GTF2A1L: variants seen among roughly 807,000 people sequenced by gnomAD.
GTF2A1L encodes general transcription factor IIA subunit 1 like.
In GTF2A1L, 48 loss-of-function variants were observed where a neutral mutation model predicts 49.7. The ratio of observed to expected loss-of-function variants is 0.97; its 90% CI spans 0.77 to 1.23. The LOEUF (loss-of-function observed/expected upper bound fraction) is 1.23, where lower values mean the gene tolerates loss of function less well. Ranked by LOEUF, GTF2A1L falls within the 50% of genes most tolerant of loss-of-function variation. The pLI, the probability that GTF2A1L is intolerant of heterozygous loss-of-function variation, is 0.00. For synonymous variants in GTF2A1L, 246 were observed against 193.5 expected (o/e 1.27, Z -2.25); for missense variants, 736 against 564.8 (o/e 1.30, Z -3.07).
chr2:48,618,660 T>C (rs2104040244), intron 1 of GTF2A1L, among the ~76,000 whole-genome samples: 2 of 152,336 alleles, frequency 1.3e-5, no homozygotes, highest in South Asian at 4.1e-4. Context: ...ATTATATGTG[T>C]TTTATGATAG....
chr2:48,646,545 C>T lies in GTF2A1L; in HGVS notation c.481C>T (p.Gln161Ter). 1 of 1,614,170 alleles carries T rather than the reference C, an allele frequency of 6.2e-7. No individual in the cohort carries two copies. The highest frequency in any genetic ancestry group is 8.5e-7 in the Non-Finnish European group (1 of 1,180,040). The change falls in exon 6 of 9, where the codon CAG (glutamine) becomes TAG (stop). Residue 161 changes from glutamine to a stop codon, truncating the protein, a stop_gained. Coordinates refer to ENST00000403751, the MANE Select transcript of GTF2A1L (RefSeq NM_006872.5). LOFTEE classifies it high-confidence loss of function. Reference protein sequence around the residue: ...LQHPIQQVFQQLGQPSVIQTS... With the variant: ...LQHPIQQVFQ ...GCATCCAATTCAGCAAGTATTTCAACAGCTTGGCCAGCCTTCAGTAATACA... is the reference window on the plus strand; with the variant it reads ...GCATCCAATTCAGCAAGTATTTCAATAGCTTGGCCAGCCTTCAGTAATACA...
At chr2:48,647,605 C>A (rs1366244206) in intron 6 of GTF2A1L, among the ~76,000 whole-genome samples, 2 of 151,732 alleles carry the variant, frequency 1.3e-5, no homozygotes, top group African/African-American at 4.8e-5. Context: ...CCTGCTCTAC[C>A]TAATTTTTCT....
At chr2:48,634,012 A>T (rs568422213) in intron 3 of GTF2A1L, among the ~76,000 whole-genome samples, 4 of 152,126 alleles carry the variant, frequency 2.6e-5, no homozygotes, top group Admixed American at 2.6e-4. Context: ...TTTTGAGCCT[A>T]TGGGTGTTTT....
At chr2:48,631,741 T>G (rs1676589314) in intron 3 of GTF2A1L, among the ~76,000 whole-genome samples, 1 of 152,156 alleles carries the variant, frequency 6.6e-6, no homozygotes, top group South Asian at 2.1e-4. Flanking sequence ...CCTCTAGGTT[T>G]GATGTTAGAT....
At chr2:48,642,292 G>A in intron 3 of GTF2A1L, 110 bp from the exon 4 acceptor site, 1 of 1,088,354 alleles carries the variant, frequency 9.2e-7, no homozygotes, top group South Asian at 2.6e-5. Context: ...AATTCACCAT[G>A]GTTTAACCTG....
intron 6 of GTF2A1L, among the ~76,000 whole-genome samples, chr2:48,654,115 T>C (rs1378989334): frequency 6.6e-6 from 1 of 152,114 alleles, no homozygotes; most frequent in Non-Finnish European, 1.5e-5. Context: ...CTACCAGCAA[T>C]GTATAAGATT....
chr2:48,618,015 C>G (rs1013264237), intron 1 of GTF2A1L, 120 bp downstream of exon 1: 1 of 1,023,504 alleles, frequency 9.8e-7, no homozygotes, highest in Non-Finnish European at 1.4e-6. Context: ...AACCCTCTCT[C>G]TTCCTTAGGG....
At chr2:48,673,211 T>C (rs1679264058) in intron 8 of GTF2A1L, among the ~76,000 whole-genome samples, 1 of 152,180 alleles carries the variant, frequency 6.6e-6, no homozygotes, top group South Asian at 2.1e-4. Flanking sequence ...GAGGGACATT[T>C]GGGTTGTTTC....
chr2:48,667,359 A>G (rs1380866414), intron 6 of GTF2A1L, among the ~76,000 whole-genome samples: 1 of 152,030 alleles, frequency 6.6e-6, no homozygotes, highest in Non-Finnish European at 1.5e-5. Flanking sequence ...TTATAGAGAG[A>G]TATGTTTGTA....
At chr2:48,626,774 A>C (rs559132335) in intron 3 of GTF2A1L, among the ~76,000 whole-genome samples, 1 of 144,152 alleles carries the variant, frequency 6.9e-6, no homozygotes, top group African/African-American at 2.5e-5. Flanking sequence ...GGGTTTCTCC[A>C]TACTGCCCAG....
chr2:48,665,489 G>A (rs891665600), intron 6 of GTF2A1L, among the ~76,000 whole-genome samples: 9 of 151,252 alleles, frequency 6.0e-5, no homozygotes, highest in Non-Finnish European at 1.3e-4. Context: ...CACTGCTTTG[G>A]GTACATCTCA....
At chr2:48,621,098 A>G (rs888263415) in intron 2 of GTF2A1L, 69 bp from the exon 3 acceptor site, 32 of 1,536,026 alleles carry the variant, frequency 2.1e-5, no homozygotes, top group Middle Eastern at 1.9e-4. Context: ...TAAGAAACTG[A>G]AAAAAAGAGA....
intron 8 of GTF2A1L, among the ~76,000 whole-genome samples, chr2:48,677,976 T>TGG (rs1234386655): frequency 1.6e-5 from 1 of 63,516 alleles, no homozygotes; most frequent in African/African-American, 4.3e-5. Flanking sequence ...AACTCTGAGA[T>TGG]GGGTGTGTGT....
At chr2:48,658,075 T>G (rs1317011234) in intron 6 of GTF2A1L, among the ~76,000 whole-genome samples, 1 of 152,198 alleles carries the variant, frequency 6.6e-6, no homozygotes, top group Admixed American at 6.5e-5. Flanking sequence ...GTTGATAGTT[T>G]CTTTTGCTGT....
intron 3 of GTF2A1L, among the ~76,000 whole-genome samples, chr2:48,626,319 C>CT (rs1319554799): frequency 2.8e-5 from 4 of 141,580 alleles, no homozygotes; most frequent in African/African-American, 5.0e-5. Flanking sequence ...TCCAACTCTG[C>CT]TTTTTTTTTC....
chr2:48,643,629 C>T (rs2104182050), intron 4 of GTF2A1L, among the ~76,000 whole-genome samples: 1 of 151,800 alleles, frequency 6.6e-6, no homozygotes, highest in East Asian at 1.9e-4. Context: ...GTGGCTCACA[C>T]CTGTAATCTC....
At chr2:48,620,276 G>A (rs544053099) in intron 1 of GTF2A1L, among the ~76,000 whole-genome samples, 20 of 152,270 alleles carry the variant, frequency 1.3e-4, no homozygotes, top group East Asian at 1.9e-4. Flanking sequence ...GCATCTTTGA[G>A]ATTATTAGCT....
At position 48,641,060 on chromosome 2, in the gene GTF2A1L, C is replaced by T. The variant is rs563191743; in HGVS notation, c.248-1342C>T. On this transcript the variant is annotated intron_variant, in intron 3 of 8. Coordinates refer to ENST00000403751, the MANE Select transcript of GTF2A1L (RefSeq NM_006872.5). ...GAGAATTATCTTACAGGATTTATTGCAAGGTACCTAAAAGAGGATGATTGT... is the reference window on the plus strand; with the variant it reads ...GAGAATTATCTTACAGGATTTATTGTAAGGTACCTAAAAGAGGATGATTGT... Among the ~76,000 whole-genome samples, 9 of 152,168 alleles carry T rather than the reference C, an allele frequency of 5.9e-5. No homozygotes were observed. The East Asian group carries it at 1.7e-3, about 29-fold the overall frequency.
chr2:48,662,869 C>G lies in GTF2A1L; in HGVS notation c.979-6853C>G, dbSNP rs530049002. ...AAGTGGGAGCTAAACAACAAGAACA[C>G]GTGGATACTAGGAGGGGAACAATGA... On this transcript the variant is annotated intron_variant, in intron 6 of 8. Transcript: ENST00000403751. Among the ~76,000 whole-genome samples the G allele has an allele frequency of 5.3e-5, 8 of 151,840 alleles. No homozygotes were observed. The South Asian group carries it at 1.7e-3, about 32-fold the overall frequency.
Sources: gnomAD v4.1 joint callset for allele counts (sites outside exome capture counted in the v4.1 genomes callset) on GRCh38, gnomAD v4.1.1 for gene constraint, MANE v1.5 for transcripts, NCBI Gene and HGNC (gene_info 2026-07-23, HGNC 2026-07-21) for gene names.